The following TAOK3 variants were observed in gnomAD, a reference collection of about 807,000 sequenced individuals.
TAOK3 encodes serine/threonine-protein kinase TAO3.
Under a neutral mutation model 120.4 loss-of-function variants are expected in TAOK3, and 40 were observed. That is an observed-to-expected ratio of 0.33 (90% confidence interval 0.26 to 0.43). The LOEUF (loss-of-function observed/expected upper bound fraction) is 0.43, where lower values mean the gene tolerates loss of function less well. TAOK3 is among the 20% of genes least tolerant of loss of function. The probability of loss-of-function intolerance (pLI) is 1.00; values close to 1 mark genes in which losing one functional copy is unlikely to be tolerated. For missense variants in TAOK3, 821 were observed against 1,112.1 expected (o/e 0.74, Z 3.72); for synonymous variants, 355 against 387.5 (o/e 0.92, Z 0.99).
intron 15 of TAOK3, 129 bp downstream of exon 15, chr12:118,181,242 C>T (rs2036699555): frequency 4.0e-6 from 3 of 744,062 alleles, no homozygotes; most frequent in Non-Finnish European, 2.3e-6. Context: ...AATCTAGAAA[C>T]CCAATTTTGC....
intron 11 of TAOK3, among the ~76,000 whole-genome samples, chr12:118,207,424 T>TC (rs1490439323): frequency 2.0e-5 from 3 of 148,994 alleles, no homozygotes; most frequent in Non-Finnish European, 3.0e-5. Flanking sequence ...TTTAGACATG[T>TC]CCCTTTCTTT....
chr12:118,182,729 T>C (rs1043245630), intron 14 of TAOK3, among the ~76,000 whole-genome samples: 2 of 150,444 alleles, frequency 1.3e-5, no homozygotes, highest in Non-Finnish European at 3.0e-5. Context: ...GAGTATGAGA[T>C]CAAGAGATCT....
chr12:118,334,049 C>T (rs1269011196), intron 1 of TAOK3, among the ~76,000 whole-genome samples: 4 of 149,360 alleles, frequency 2.7e-5, no homozygotes, highest in East Asian at 4.0e-4. Flanking sequence ...GCAGGAGAAT[C>T]GCTTGAACCC....
At chr12:118,214,237 C>A in intron 9 of TAOK3, 127 bp from the exon 10 acceptor site, 1 of 689,296 alleles carries the variant, frequency 1.5e-6, no homozygotes, top group Non-Finnish European at 2.4e-6. Context: ...GCCACATAAT[C>A]CACTTATTTT....
intron 9 of TAOK3, among the ~76,000 whole-genome samples, chr12:118,218,823 T>C (rs2039073747): frequency 6.6e-6 from 1 of 152,050 alleles, no homozygotes; most frequent in African/African-American, 2.4e-5. Context: ...CCGTGGTGGC[T>C]TGTGCCTGTA....
intron 8 of TAOK3, among the ~76,000 whole-genome samples, chr12:118,235,013 A>C (rs2039963963): frequency 6.6e-6 from 1 of 152,244 alleles, no homozygotes; most frequent in Admixed American, 6.5e-5. Context: ...AATTTTGCAG[A>C]GATCTAAGTC....
chr12:118,289,330 GT>G (rs2042387820), intron 1 of TAOK3, among the ~76,000 whole-genome samples: 1 of 144,928 alleles, frequency 6.9e-6, no homozygotes, highest in East Asian at 2.0e-4. Context: ...AAACAAAAGT[GT>G]TATTCTTCTT....
chr12:118,285,512 C>T (rs139264650), intron 1 of TAOK3, among the ~76,000 whole-genome samples: 3,861 of 152,088 alleles, frequency 0.025, 157 homozygotes, highest in African/African-American at 0.087. Context: ...GCCATCACAC[C>T]CAGCTAATTT....
chr12:118,168,248 T>G (rs561361120), intron 17 of TAOK3, among the ~76,000 whole-genome samples: 1 of 152,324 alleles, frequency 6.6e-6, no homozygotes, highest in East Asian at 1.9e-4. Context: ...TTACTGGAGC[T>G]CTAATGCACT....
intron 11 of TAOK3, among the ~76,000 whole-genome samples, chr12:118,205,700 T>TC (rs1357115653): frequency 7.9e-5 from 12 of 152,272 alleles, no homozygotes; most frequent in Admixed American, 3.3e-4. Flanking sequence ...AAACTCTGCC[T>TC]CCCAGGTTCA....
At chr12:118,342,778 A>T (rs1346048029) in intron 1 of TAOK3, among the ~76,000 whole-genome samples, 1 of 151,910 alleles carries the variant, frequency 6.6e-6, no homozygotes, top group African/African-American at 2.4e-5. Context: ...TACAAAAAAT[A>T]CAAAAATTAG....
intron 1 of TAOK3, among the ~76,000 whole-genome samples, chr12:118,282,735 A>G (rs954877410): frequency 3.3e-5 from 5 of 152,160 alleles, no homozygotes; most frequent in Non-Finnish European, 4.4e-5. Flanking sequence ...GACTCTTATC[A>G]TCTTCACAAC....
In TAOK3 at chr12:118,211,012, C is replaced by T. The variant is rs541838196; in HGVS notation, c.819+1902G>A. 4.6e-5 allele frequency among the ~76,000 whole-genome samples: 7 copies of T among 152,280 alleles called. No individual in the cohort carries two copies. In the South Asian group the frequency reaches 1.0e-3, roughly 23 times the overall value. ...TTGGCCTCCCAAAGTGCTGGGATTA[C>T]GGGCATGAGCCGCCACGCCCGGCCT... is the stretch of plus-strand genomic sequence containing the variant. On this transcript the variant is annotated intron_variant, in intron 11 of 20. Transcript: ENST00000392533.
intron 9 of TAOK3, among the ~76,000 whole-genome samples, chr12:118,221,328 A>T (rs2039219496): frequency 6.6e-6 from 1 of 151,898 alleles, no homozygotes; most frequent in Non-Finnish European, 1.5e-5. Flanking sequence ...GGCTCAAGAG[A>T]TTCTCCTGCC....
intron 12 of TAOK3, chr12:118,199,461 G>A (rs1245093132): frequency 5.1e-6 from 3 of 589,928 alleles, no homozygotes; most frequent in Admixed American, 2.8e-5. Flanking sequence ...TTCCCCAGGG[G>A]CCATTCTGGA....
Position 118,189,872 on chromosome 12 carries a change from C to T in TAOK3, c.1264G>A (p.Val422Ile). The T allele has an allele frequency of 3.7e-6, 6 of 1,614,208 alleles. No homozygotes were observed. The highest frequency in any genetic ancestry group is 5.1e-6 in the Non-Finnish European group (6 of 1,180,048). Residue 422 changes from valine to isoleucine, a missense_variant, in exon 14 of 21, where the codon GTT becomes ATT. Physicochemically the swap from Val to Ile is conservative, Grantham distance 29. This residue lies in a region of TAOK3 where 467 missense variants were observed against 540.0 expected (regional missense o/e 0.86). Coordinates refer to ENST00000392533, the MANE Select transcript of TAOK3 (RefSeq NM_016281.4). The part of the protein sequence containing the change: ...PRPEPRPTQS[V>I]QSQALHYRNR... ...CGGTAGTGGAGGGCCTGGCTCTGAA[C>T]TGACTGGGTAGGCCGCGGCTCAGGC... is the stretch of plus-strand genomic sequence containing the variant.
At chr12:118,176,187 C>A (rs1044566228) in intron 16 of TAOK3, among the ~76,000 whole-genome samples, 1 of 151,934 alleles carries the variant, frequency 6.6e-6, no homozygotes, top group Non-Finnish European at 1.5e-5. Flanking sequence ...AGGAATTAAC[C>A]GAGCAAAATT....
At chr12:118,188,958 A>G (rs1273755474) in intron 14 of TAOK3, among the ~76,000 whole-genome samples, 3 of 151,774 alleles carry the variant, frequency 2.0e-5, no homozygotes, top group African/African-American at 7.3e-5. Context: ...GTGAGCGCGC[A>G]CGCGCACGCG....
chr12:118,347,433 C>T (rs568168829), intron 1 of TAOK3, among the ~76,000 whole-genome samples: 1 of 152,270 alleles, frequency 6.6e-6, no homozygotes, highest in African/African-American at 2.4e-5. Context: ...CTACAGCATG[C>T]TCAAGGTATC....
Sources: gnomAD v4.1 joint callset for allele counts (sites outside exome capture counted in the v4.1 genomes callset) on GRCh38, gnomAD v4.1.1 for gene constraint, gnomAD v4.1.1 regional missense constraint, MANE v1.5 for transcripts, NCBI Gene and HGNC (gene_info 2026-07-23, HGNC 2026-07-21) for gene names.